The following TGFBR3 variants were observed in gnomAD, a reference collection of about 807,000 sequenced individuals.
TGFBR3 encodes transforming growth factor beta receptor type 3.
TGFBR3 carries 46 observed loss-of-function variants against 87.9 expected under a neutral mutation model. The ratio of observed to expected loss-of-function variants is 0.52; its 90% CI spans 0.41 to 0.67. The LOEUF is 0.67. Among genes scored for constraint, TGFBR3 ranks in the 30% least tolerant of loss-of-function variants. TGFBR3 has a pLI of 0.00. For synonymous variants in TGFBR3, 381 were observed against 391.6 expected (o/e 0.97, Z 0.32); for missense variants, 866 against 1,041.9 (o/e 0.83, Z 2.32).
intron 2 of TGFBR3, among the ~76,000 whole-genome samples, chr1:91,854,619 A>C (rs1479701949): frequency 1.3e-5 from 2 of 152,234 alleles, no homozygotes; most frequent in African/African-American, 4.8e-5. Flanking sequence ...CACCACAAAA[A>C]ATGATAAGTG....
rs17879952 is a variant in TGFBR3 at position 91,697,139 on chromosome 1, T to C, written c.2329+950A>G. Among the ~76,000 whole-genome samples, 339 of 152,350 alleles carry C rather than the reference T, an allele frequency of 2.2e-3. 2 individuals carry two copies. The highest frequency in any genetic ancestry group is 8.0e-3 in the African/African-American group (331 of 41,572). ...AGTCCTTAAAACTGATATTAGAAGA[T>C]GATTTGCCTTTTTATACCCACAGAT... On this transcript the variant is annotated intron_variant, in intron 15 of 16. Transcript: ENST00000212355.
intron 2 of TGFBR3, among the ~76,000 whole-genome samples, chr1:91,894,817 C>T (rs984593058): frequency 3.9e-5 from 6 of 152,360 alleles, no homozygotes; most frequent in Middle Eastern, 6.8e-3. Context: ...GTCGCCCAGG[C>T]TGGAGTGCAG....
chr1:91,681,682 A>G lies in TGFBR3; in HGVS notation c.*2057T>C, dbSNP rs1375244089. On this transcript the variant is annotated 3_prime_UTR_variant, in exon 17 of 17. Transcript: ENST00000212355. The stretch of plus-strand genomic sequence containing the variant: ...AAACATTTCATATGGAGTAACTTAA[A>G]TTTATCTAAAACACTTAAATATATC... 2.3e-6 allele frequency: 1 copy of G among 443,400 alleles called. No homozygotes were observed. 27.5% of individuals were successfully genotyped at this position (443,400 alleles called of 1,614,324 possible).
At chr1:91,851,069 A>G (rs976402103) in intron 2 of TGFBR3, among the ~76,000 whole-genome samples, 1 of 152,226 alleles carries the variant, frequency 6.6e-6, no homozygotes, top group African/African-American at 2.4e-5. Flanking sequence ...AAACAGAGTA[A>G]CTTTAAAATA....
chr1:91,890,249 G>GT (rs910566327), upstream of TGFBR3, among the ~76,000 whole-genome samples: 18 of 152,028 alleles, frequency 1.2e-4, no homozygotes, highest in Non-Finnish European at 1.9e-4. Context: ...CACCCCTCCT[G>GT]TAGGTGTGGA....
At chr1:91,721,880 G>A in intron 8 of TGFBR3, 75 bp downstream of exon 8, 1 of 1,393,044 alleles carries the variant, frequency 7.2e-7, no homozygotes, top group Non-Finnish European at 1.0e-6. Context: ...CATATAAGCT[G>A]AAATGACAGT....
At chr1:91,720,353 AGT>A in intron 8 of TGFBR3, 123 bp from the exon 9 acceptor site, 3 of 929,984 alleles carry the variant, frequency 3.2e-6, no homozygotes, top group Non-Finnish European at 5.0e-6. Context: ...TTTAATAAGC[AGT>A]GCATAAAGGT....
intron 4 of TGFBR3, among the ~76,000 whole-genome samples, chr1:91,743,658 T>G (rs1311493488): frequency 6.6e-6 from 1 of 152,194 alleles, no homozygotes; most frequent in Non-Finnish European, 1.5e-5. Context: ...ACCCCAAGTG[T>G]TGGGTACAAA....
chr1:91,897,247 G>A (rs933295977), intron 2 of TGFBR3, among the ~76,000 whole-genome samples: 1 of 152,186 alleles, frequency 6.6e-6, no homozygotes, highest in East Asian at 1.9e-4. Context: ...GGGGGTATCA[G>A]GCAGCATTTG....
chr1:91,790,873 T>C (rs1675161718), intron 3 of TGFBR3, among the ~76,000 whole-genome samples: 1 of 152,216 alleles, frequency 6.6e-6, no homozygotes, highest in Non-Finnish European at 1.5e-5. Flanking sequence ...TTTGTATCAG[T>C]TCTTTTAGTG....
At chr1:91,729,697 C>T in intron 6 of TGFBR3, 108 bp downstream of exon 6, 1 of 1,335,090 alleles carries the variant, frequency 7.5e-7, no homozygotes, top group Non-Finnish European at 1.1e-6. Flanking sequence ...GCTCCCTTCC[C>T]TCCTGCGTAG....
chr1:91,752,173 C>T (rs1673565973), intron 4 of TGFBR3, among the ~76,000 whole-genome samples: 1 of 152,156 alleles, frequency 6.6e-6, no homozygotes, highest in Admixed American at 6.5e-5. Flanking sequence ...CAATAAAGTA[C>T]AGGACACCCA....
At chr1:91,695,988 T>C (rs1293077158) in intron 15 of TGFBR3, among the ~76,000 whole-genome samples, 1 of 152,222 alleles carries the variant, frequency 6.6e-6, no homozygotes, top group African/African-American at 2.4e-5. Context: ...TCCAAAGTAT[T>C]CTCAGTTTGC....
At chr1:91,711,121 T>C (rs1003853203) in intron 13 of TGFBR3, among the ~76,000 whole-genome samples, 22 of 152,206 alleles carry the variant, frequency 1.4e-4, no homozygotes, top group Admixed American at 1.4e-3. Flanking sequence ...AAGCTCCTCA[T>C]GGCTCTCTAC....
At chr1:91,816,605 C>T (rs1676235525) in intron 2 of TGFBR3, among the ~76,000 whole-genome samples, 1 of 152,292 alleles carries the variant, frequency 6.6e-6, no homozygotes, top group South Asian at 2.1e-4. Context: ...TATTGAGTCT[C>T]TTTCATCTTT....
chr1:91,857,447 A>C (rs558564932), intron 2 of TGFBR3, among the ~76,000 whole-genome samples: 3 of 151,982 alleles, frequency 2.0e-5, no homozygotes, highest in South Asian at 4.1e-4. Flanking sequence ...CCTTCTTCCT[A>C]GATTCTGCCC....
intron 2 of TGFBR3, among the ~76,000 whole-genome samples, chr1:91,859,424 A>C (rs1230264627): frequency 1.7e-5 from 1 of 57,730 alleles, no homozygotes; most frequent in Admixed American, 2.1e-4. Flanking sequence ...TTTTTTTGGG[A>C]GGTGGGGGTG....
At chr1:91,804,606 C>G (rs1675763970) in intron 2 of TGFBR3, among the ~76,000 whole-genome samples, 1 of 152,182 alleles carries the variant, frequency 6.6e-6, no homozygotes, top group African/African-American at 2.4e-5. Context: ...AGCACAAGTG[C>G]CTGAGTTAAC....
intron 2 of TGFBR3, among the ~76,000 whole-genome samples, chr1:91,823,038 C>T (rs745759266): frequency 3.3e-5 from 5 of 152,152 alleles, no homozygotes; most frequent in Non-Finnish European, 7.3e-5. Flanking sequence ...CCTGGGGATA[C>T]AGAAATAATA....
Sources: gnomAD v4.1 joint callset for allele counts (sites outside exome capture counted in the v4.1 genomes callset) on GRCh38, gnomAD v4.1.1 for gene constraint, MANE v1.5 for transcripts, NCBI Gene and HGNC (gene_info 2026-07-23, HGNC 2026-07-21) for gene names.